Variants in BANP observed in about 807,000 individuals in gnomAD.
The protein encoded by BANP is protein BANP.
Under a neutral mutation model 68.1 loss-of-function variants are expected in BANP, and 11 were observed. The observed-to-expected ratio is 0.16, with a 90% CI of 0.10 to 0.27. BANP has a LOEUF of 0.27. BANP is among the 10% of genes least tolerant of loss of function. The pLI, the probability that BANP is intolerant of heterozygous loss-of-function variation, is 1.00. For synonymous variants in BANP, 329 were observed against 303.2 expected, an observed-to-expected ratio of 1.09 and a Z score of -0.88; for missense variants, 504 against 722.7, an observed-to-expected ratio of 0.70 and a Z score of 3.47.
chr16:87,982,959 C>G (rs2063564970), intron 3 of BANP, among the ~76,000 whole-genome samples: 1 of 151,762 alleles, frequency 6.6e-6, no homozygotes, highest in Non-Finnish European at 1.5e-5. Flanking sequence ...CCAATGTGGG[C>G]CGGCCTCCCG....
chr16:87,993,868 T>G (rs1433719936), intron 4 of BANP, among the ~76,000 whole-genome samples: 1 of 152,220 alleles, frequency 6.6e-6, no homozygotes, highest in Non-Finnish European at 1.5e-5. Flanking sequence ...CCCAAAGTGC[T>G]GGGATTACAG....
intron 13 of BANP, among the ~76,000 whole-genome samples, chr16:88,074,215 A>T (rs79342624): frequency 1.3e-5 from 2 of 152,042 alleles, no homozygotes; most frequent in Non-Finnish European, 2.9e-5. Context: ...TGAAGCCCCC[A>T]CCCCAGTCAT....
At chr16:88,068,831 CTCTT>C (rs573989197) in intron 12 of BANP, among the ~76,000 whole-genome samples, 106 of 152,334 alleles carry the variant, frequency 7.0e-4, no homozygotes, top group South Asian at 1.9e-3. Flanking sequence ...TGTCTGCTCT[CTCTT>C]CCTTTCTTGG....
rs1223632768 is a variant in BANP, at chr16:88,035,393, A to C, written c.1271A>C (p.Glu424Ala). ...GEQVQITQDS[E>A]GNLQIHHVGQ... is the part of the protein sequence containing the mutation. ...CAAGTCCAGATCACGCAGGACAGCG[A>C]GGTGAGTCAGCTCTCGCTGCAGCAC... The change falls in exon 10 of 14, where the codon GAG becomes GCG. Residue 424 changes from glutamate (E) to alanine (A), a missense_variant and splice_region_variant. Around this residue, in one of 3 missense-constraint regions of BANP, gnomAD observed 223 missense variants for 246.2 expected, o/e 0.91. Transcript: ENST00000682872. 1 of 1,607,932 alleles carries C rather than the reference A, an allele frequency of 6.2e-7. No individual in the cohort carries two copies. Among genetic ancestry groups the C allele is most frequent in the Non-Finnish European group, 8.5e-7 (1 of 1,177,634 alleles).
intron 7 of BANP, among the ~76,000 whole-genome samples, chr16:88,021,985 G>A (rs1238298462): frequency 6.6e-6 from 1 of 152,138 alleles, no homozygotes; most frequent in Admixed American, 6.5e-5. Context: ...AGGAAATGAG[G>A]TTATTGAAAG....
chr16:88,010,116 T>G (rs1384384516), intron 6 of BANP, among the ~76,000 whole-genome samples: 1 of 152,156 alleles, frequency 6.6e-6, no homozygotes, highest in Non-Finnish European at 1.5e-5. Context: ...TGCTCATAGC[T>G]TTGTTTTGTA....
In BANP at chr16:88,070,299, C is replaced by A. The variant is rs867644281; in HGVS notation, c.1378-1770C>A. ...TTGTGGTGTTCAAGGGCCAGCTGCACAATGAATTAATCCCTGGGACCATGT... is the reference window on the plus strand; with the variant it reads ...TTGTGGTGTTCAAGGGCCAGCTGCAAAATGAATTAATCCCTGGGACCATGT... On this transcript the variant is annotated intron_variant, in intron 12 of 13. Coordinates refer to ENST00000682872, the MANE Select transcript of BANP (RefSeq NM_001386991.1). 3.3e-5 allele frequency among the ~76,000 whole-genome samples: 5 copies of A among 152,120 alleles called. No homozygotes were observed. The South Asian group carries it at 6.2e-4, about 19-fold the overall frequency.
In BANP at chr16:88,020,426, G is replaced by A. The variant is rs1017170369; in HGVS notation, c.895+1759G>A. Among the ~76,000 whole-genome samples the A allele has an allele frequency of 4.6e-5, 7 of 152,230 alleles. No individual in the cohort carries two copies. The South Asian group carries it at 1.0e-3, about 23-fold the overall frequency. ...CAGCTTGAAACCCGGGGGTTGCTTC[G>A]TGCTGGTGCTTGCTGTGTGGATCAC... On this transcript the variant is annotated intron_variant, in intron 7 of 13. Transcript: ENST00000682872.
chr16:88,005,768 T>A (rs2070858718), intron 5 of BANP, among the ~76,000 whole-genome samples: 1 of 152,244 alleles, frequency 6.6e-6, no homozygotes, highest in Admixed American at 6.5e-5. Context: ...GAAAAAAGAC[T>A]CTTACCAGCA....
intron 1 of BANP, among the ~76,000 whole-genome samples, chr16:87,967,328 C>G (rs181043481): frequency 4.1e-5 from 6 of 147,852 alleles, no homozygotes; most frequent in African/African-American, 1.2e-4. Context: ...AGGCCGCTCT[C>G]CAACTCTGAC....
intron 2 of BANP, among the ~76,000 whole-genome samples, chr16:87,975,720 G>A (rs375469269): frequency 3.4e-4 from 51 of 150,022 alleles, no homozygotes; most frequent in Middle Eastern, 6.8e-3. Flanking sequence ...TGTGCGTGGC[G>A]TCATGGAACC....
chr16:87,988,730 C>G (rs1424182609), intron 4 of BANP, among the ~76,000 whole-genome samples: 1 of 152,160 alleles, frequency 6.6e-6, no homozygotes, highest in Non-Finnish European at 1.5e-5. Context: ...ATGCAGACAC[C>G]TTAAGGGGCT....
chr16:88,025,209 T>C (rs373760498), intron 7 of BANP, among the ~76,000 whole-genome samples: 3 of 152,356 alleles, frequency 2.0e-5, no homozygotes, highest in South Asian at 2.1e-4. Context: ...CATGAAACTA[T>C]TGAAGTGCAG....
chr16:88,014,437 C>T (rs2074006082), intron 6 of BANP, among the ~76,000 whole-genome samples: 1 of 151,970 alleles, frequency 6.6e-6, no homozygotes. Flanking sequence ...GGGAGGTTCT[C>T]GGTGTGGGCA....
At chr16:88,045,400 C>T (rs2081767224) in intron 11 of BANP, among the ~76,000 whole-genome samples, 1 of 152,224 alleles carries the variant, frequency 6.6e-6, no homozygotes, top group Non-Finnish European at 1.5e-5. Context: ...GCAGGAGAGG[C>T]CGGGGCCAAA....
At chr16:88,012,815 A>G (rs1434165361) in intron 6 of BANP, among the ~76,000 whole-genome samples, 1 of 152,246 alleles carries the variant, frequency 6.6e-6, no homozygotes, top group Non-Finnish European at 1.5e-5. Context: ...ATTGTGTTTC[A>G]ATTATTGGTT....
intron 11 of BANP, among the ~76,000 whole-genome samples, chr16:88,046,684 T>C (rs928412185): frequency 1.3e-5 from 2 of 151,998 alleles, no homozygotes; most frequent in African/African-American, 2.4e-5. Context: ...TCGCTGGGAT[T>C]ATATAGGCAC....
At chr16:88,037,164 A>C (rs1475008978) in intron 10 of BANP, 2 of 152,214 alleles carry the variant, frequency 1.3e-5, no homozygotes, top group East Asian at 3.8e-4. Flanking sequence ...AAAAGAAAAA[A>C]AACAACACAC....
At position 88,018,312 on chromosome 16, in the gene BANP, T is replaced by C; in HGVS notation, c.656-116T>C. The C allele has an allele frequency of 7.6e-7, 1 of 1,319,482 alleles. No homozygotes were observed. The highest frequency in any genetic ancestry group is 1.0e-6 in the Non-Finnish European group (1 of 964,216). 81.7% of individuals were successfully genotyped at this position (1,319,482 alleles called of 1,614,324 possible). A position where few individuals can be genotyped will look rare whatever the true frequency, so the allele number is the denominator to read the frequency against. On this transcript the variant is annotated intron_variant, in intron 6 of 13. Coordinates refer to ENST00000682872, the MANE Select transcript of BANP (RefSeq NM_001386991.1). This position sits in a 1 kb window ranked among gnomAD's most constrained non-coding sequence, Gnocchi z 7.7. Reference sequence around the variant, plus strand: ...ACTGCCTCACAAGTTACGAGGGATTTGCCCAGCCCTGCGTGGAGCATCTTT... The same window carrying C: ...ACTGCCTCACAAGTTACGAGGGATTCGCCCAGCCCTGCGTGGAGCATCTTT...
Sources: gnomAD v4.1 joint callset for allele counts (sites outside exome capture counted in the v4.1 genomes callset) on GRCh38, gnomAD v4.1.1 for gene constraint, gnomAD v4.1.1 regional missense constraint, Gnocchi (gnomAD v3.1) non-coding constraint, MANE v1.5 for transcripts, NCBI Gene and HGNC (gene_info 2026-07-23, HGNC 2026-07-21) for gene names.